The following TVP23A variants were observed in gnomAD, a reference collection of about 807,000 sequenced individuals.
TVP23A encodes trans-golgi network vesicle protein 23 homolog A, also known as Golgi apparatus membrane protein TVP23 homolog A.
Under a neutral mutation model 31.7 loss-of-function variants are expected in TVP23A, and 21 were observed. The observed-to-expected ratio is 0.66, with a 90% CI of 0.47 to 0.95. The LOEUF (loss-of-function observed/expected upper bound fraction) is 0.95, where lower values mean the gene tolerates loss of function less well. TVP23A is among the 40% of genes least tolerant of loss of function. The pLI is 0.00. For missense variants in TVP23A, 279 were observed against 255.6 expected, an observed-to-expected ratio of 1.09 and a Z score of -0.62; for synonymous variants, 104 against 96.0, an observed-to-expected ratio of 1.08 and a Z score of -0.49.
intron 2 of TVP23A, among the ~76,000 whole-genome samples, chr16:10,798,131 ATTTTT>A (rs571506029): frequency 6.9e-6 from 1 of 144,190 alleles, no homozygotes; most frequent in African/African-American, 2.5e-5. Flanking sequence ...AATTTTTTGT[ATTTTT>A]TTTTTAGTAG....
chr16:10,761,596 T>A, intron 8 of TVP23A: 2 of 1,010,306 alleles, frequency 2.0e-6, no homozygotes, highest in Non-Finnish European at 2.9e-6. Flanking sequence ...GGAATCACAA[T>A]TAAAATCCCT....
chr16:10,793,990 G>A (rs894166672), intron 2 of TVP23A, among the ~76,000 whole-genome samples: 2 of 150,586 alleles, frequency 1.3e-5, no homozygotes, highest in African/African-American at 2.5e-5. Context: ...CAGCACACTC[G>A]GTATCTGGTG....
chr16:10,794,677 C>G (rs1795612376), intron 2 of TVP23A, among the ~76,000 whole-genome samples: 1 of 152,116 alleles, frequency 6.6e-6, no homozygotes, highest in Admixed American at 6.6e-5. Context: ...GGTGAGGGCG[C>G]TTGGCTGAGA....
At chr16:10,785,460 T>A (rs1691629857) in intron 2 of TVP23A, among the ~76,000 whole-genome samples, 2 of 151,984 alleles carry the variant, frequency 1.3e-5, no homozygotes, top group African/African-American at 2.4e-5. Flanking sequence ...TGAAGCTCTG[T>A]CTAAGAGTAC....
At chr16:10,762,574 G>A (rs544196350), downstream of TVP23A, among the ~76,000 whole-genome samples, 122 of 152,206 alleles carry the variant, frequency 8.0e-4, 1 homozygote, top group African/African-American at 2.8e-3. Context: ...TCCGTTACTG[G>A]GGCCCTTTAG....
chr16:10,775,750 T>C (rs1282961533), intron 2 of TVP23A, among the ~76,000 whole-genome samples: 11 of 143,366 alleles, frequency 7.7e-5, no homozygotes, highest in African/African-American at 2.6e-4. Context: ...TTTTCTTTTT[T>C]TTTTTTTTTT....
chr16:10,797,413 A>G (rs559625504), intron 2 of TVP23A, among the ~76,000 whole-genome samples: 1 of 151,842 alleles, frequency 6.6e-6, no homozygotes, highest in Non-Finnish European at 1.5e-5. Flanking sequence ...ATAGCCAGGC[A>G]TGGTGGCACA....
chr16:10,783,848 T>A (rs1596520504), intron 2 of TVP23A, among the ~76,000 whole-genome samples: 1 of 152,156 alleles, frequency 6.6e-6, no homozygotes, highest in South Asian at 2.1e-4. Context: ...AGGCTGTGTA[T>A]GGACAACTTC....
intron 2 of TVP23A, among the ~76,000 whole-genome samples, chr16:10,798,749 C>A (rs1374948946): frequency 6.6e-6 from 1 of 152,166 alleles, no homozygotes; most frequent in Non-Finnish European, 1.5e-5. Context: ...CTGCAACCTC[C>A]ACCTCCCGGG....
chr16:10,790,279 A>ATTTTTTTTTTTTTT (rs376916439), intron 2 of TVP23A, among the ~76,000 whole-genome samples: 3 of 114,536 alleles, frequency 2.6e-5, no homozygotes, highest in East Asian at 2.6e-4. Flanking sequence ...TTGGGGTAAA[A>ATTTTTTTTTTTTTT]TTTTTTTTTT....
chr16:10,818,392 C>T lies in TVP23A; in HGVS notation c.9+93G>A, dbSNP rs2034537151. ...GGTGCAGCCCAGCCCCAGGCCCCGG[C>T]GCATCCCTCCTCCTCCTCCCGGCTT... On this transcript the variant is annotated intron_variant, in intron 1 of 7. Transcript: ENST00000299866. The surrounding 1 kb of genome is among the most constrained non-coding windows in gnomAD (Gnocchi z 4.7). 1 of 1,529,378 alleles carries T rather than the reference C, an allele frequency of 6.5e-7. No homozygotes were observed. The highest frequency in any genetic ancestry group is 8.8e-7 in the Non-Finnish European group (1 of 1,130,820). 94.7% of individuals were successfully genotyped at this position (1,529,378 alleles called of 1,614,324 possible).
At chr16:10,757,392 G>A (rs149472432), downstream of TVP23A, among the ~76,000 whole-genome samples, 1 of 152,306 alleles carries the variant, frequency 6.6e-6, no homozygotes, top group African/African-American at 2.4e-5. The surrounding 1 kb of genome is among the most constrained non-coding windows in gnomAD (Gnocchi z 4.1). Flanking sequence ...ATCTGGTACT[G>A]AGACTTAAGG....
intron 2 of TVP23A, among the ~76,000 whole-genome samples, chr16:10,803,115 C>T (rs2033779648): frequency 6.6e-6 from 1 of 152,096 alleles, no homozygotes; most frequent in Non-Finnish European, 1.5e-5. Flanking sequence ...AAAATCCCGT[C>T]TCTACTAAAA....
intron 2 of TVP23A, among the ~76,000 whole-genome samples, chr16:10,798,236 G>A (rs2033511126): frequency 6.6e-6 from 1 of 151,964 alleles, no homozygotes; most frequent in Admixed American, 6.6e-5. Flanking sequence ...TGGGATTACA[G>A]GTGTGCGCCC....
At chr16:10,788,826 G>C (rs2032927245) in intron 2 of TVP23A, among the ~76,000 whole-genome samples, 1 of 152,188 alleles carries the variant, frequency 6.6e-6, no homozygotes, top group Non-Finnish European at 1.5e-5. Flanking sequence ...TTAACAAGGA[G>C]CCTGCATGTC....
intron 3 of TVP23A, 37 bp downstream of exon 3, chr16:10,774,915 G>A: frequency 1.3e-6 from 2 of 1,590,964 alleles, no homozygotes; most frequent in Non-Finnish European, 1.7e-6. Context: ...CAAGCCTCGT[G>A]TTTCGGAAGT....
At chr16:10,796,165 T>C (rs565729102) in intron 2 of TVP23A, among the ~76,000 whole-genome samples, 1 of 151,852 alleles carries the variant, frequency 6.6e-6, no homozygotes, top group Non-Finnish European at 1.5e-5. Flanking sequence ...CTGGGCAACA[T>C]GGTGAAACCT....
intron 5 of TVP23A, among the ~76,000 whole-genome samples, chr16:10,772,747 G>A (rs1226873101): frequency 6.6e-6 from 1 of 152,026 alleles, no homozygotes; most frequent in Non-Finnish European, 1.5e-5. Context: ...CCAGGGCTTG[G>A]AGGAACAGAA....
intron 2 of TVP23A, among the ~76,000 whole-genome samples, chr16:10,809,590 C>A (rs1278775151): frequency 1.3e-5 from 2 of 152,238 alleles, no homozygotes; most frequent in Admixed American, 1.3e-4. Flanking sequence ...GGGGCTAGAT[C>A]TCCCAATGAG....
Sources: allele counts gnomAD v4.1 joint callset (sites outside exome capture counted in the v4.1 genomes callset), GRCh38; gene constraint gnomAD v4.1.1; non-coding constraint Gnocchi (gnomAD v3.1); transcripts MANE v1.5; gene names NCBI Gene and HGNC (gene_info 2026-07-23, HGNC 2026-07-21).